GABPB2: variants seen among roughly 807,000 people sequenced by gnomAD.
GABPB2 encodes the protein GA-binding protein subunit beta-2.
A neutral mutation model predicts 39.1 loss-of-function variants in GABPB2; 23 were observed. That is an observed-to-expected ratio of 0.59 (90% CI 0.42 to 0.83). The LOEUF (loss-of-function observed/expected upper bound fraction) is 0.83. Among genes scored for constraint, GABPB2 ranks in the 40% least tolerant of loss-of-function variants. GABPB2 has a pLI of 0.00. For synonymous variants in GABPB2, 184 were observed against 199.3 expected, an observed-to-expected ratio of 0.92 and a Z score of 0.65; for missense variants, 467 against 541.1, an observed-to-expected ratio of 0.86 and a Z score of 1.36.
At chr1:151,106,668 A>G (rs1237380185) in intron 6 of GABPB2, among the ~76,000 whole-genome samples, 1 of 152,206 alleles carries the variant, frequency 6.6e-6, no homozygotes, top group Non-Finnish European at 1.5e-5. Flanking sequence ...CTGTTGGAGA[A>G]TCACACCCTG....
intron 1 of GABPB2, among the ~76,000 whole-genome samples, chr1:151,078,072 C>G (rs779993376): frequency 2.7e-5 from 4 of 149,662 alleles, no homozygotes; most frequent in Non-Finnish European, 4.4e-5. Context: ...GGAGTTCAAG[C>G]CTCGCCTGAC....
intron 1 of GABPB2, among the ~76,000 whole-genome samples, chr1:151,071,683 G>T (rs1676736652): frequency 6.6e-6 from 1 of 152,148 alleles, no homozygotes; most frequent in Non-Finnish European, 1.5e-5. Context: ...TGTTAGCCAG[G>T]CTGGTCTCGA....
chr1:151,075,555 C>T (rs1295967496), intron 1 of GABPB2, among the ~76,000 whole-genome samples: 1 of 103,262 alleles, frequency 9.7e-6, no homozygotes, highest in Non-Finnish European at 1.8e-5. Context: ...CAGAGCGAGA[C>T]TTTGTCTCAA....
At chr1:151,077,603 G>A (rs776163583) in intron 1 of GABPB2, among the ~76,000 whole-genome samples, 1 of 151,346 alleles carries the variant, frequency 6.6e-6, no homozygotes, top group South Asian at 2.1e-4. Flanking sequence ...GATCCGCCGC[G>A]CCCGGCCACT....
intron 5 of GABPB2, among the ~76,000 whole-genome samples, chr1:151,098,578 G>C (rs1447278021): frequency 2.0e-5 from 3 of 151,248 alleles, no homozygotes; most frequent in Admixed American, 6.6e-5. Context: ...ATGAAAATAT[G>C]AAGGTGCCTC....
chr1:151,092,840 A>G (rs150236862), intron 3 of GABPB2, among the ~76,000 whole-genome samples: 142 of 152,282 alleles, frequency 9.3e-4, no homozygotes, highest in African/African-American at 3.1e-3. Context: ...AAGGCTAAAC[A>G]GACTTACTGA....
rs587754459 is a variant in GABPB2 at position 151,100,143 on chromosome 1, C to CT, written c.622+2160dup. Among the ~76,000 whole-genome samples the CT allele has an allele frequency of 5.5e-3, 760 of 138,816 alleles. 4 individuals carry two copies. Among genetic ancestry groups the CT allele is most frequent in the South Asian group, 0.021 (90 of 4,390 alleles). 91.1% of individuals were successfully genotyped at this position (138,816 alleles called of 152,430 possible). ...GGTTCAGTCACACTGATTAAAACAA[C>CT]TTTTTTTTTTTTTTTTTTTGAGACG... On this transcript the variant is annotated intron_variant, in intron 5 of 8. Coordinates refer to ENST00000368918, the MANE Select transcript of GABPB2 (RefSeq NM_144618.3).
intron 1 of GABPB2, among the ~76,000 whole-genome samples, chr1:151,077,174 T>G (rs1677237950): frequency 6.6e-6 from 1 of 152,060 alleles, no homozygotes; most frequent in South Asian, 2.1e-4. Context: ...GAATCTCACA[T>G]AAGACTTACA....
At chr1:151,109,155 C>T (rs762171477) in intron 7 of GABPB2, among the ~76,000 whole-genome samples, 4 of 151,900 alleles carry the variant, frequency 2.6e-5, no homozygotes, top group Non-Finnish European at 4.4e-5. Flanking sequence ...AATCATGCCA[C>T]TGCACTCCAG....
chr1:151,111,423 TTTTTTTTC>T (rs587768018), intron 7 of GABPB2, among the ~76,000 whole-genome samples: 171 of 146,452 alleles, frequency 1.2e-3, no homozygotes, highest in African/African-American at 4.0e-3. Flanking sequence ...TTTTTTTTTC[TTTTTTTTC>T]TTTTTTTTTG....
chr1:151,122,463 T>G lies in GABPB2; in HGVS notation c.*4207T>G, dbSNP rs1681217868. On this transcript the variant is annotated 3_prime_UTR_variant, in exon 9 of 9. Transcript: ENST00000368918. ...TGTTATGTGTGGGATTTCGGAGCCTTACTTTAACGATAGAGGAACCAAGTA... is the reference window on the plus strand; with the variant it reads ...TGTTATGTGTGGGATTTCGGAGCCTGACTTTAACGATAGAGGAACCAAGTA... 6.6e-6 allele frequency: 1 copy of G among 151,564 alleles called. No individual in the cohort carries two copies. Among genetic ancestry groups the G allele is most frequent in the Non-Finnish European group, 1.5e-5 (1 of 67,580 alleles). The allele number at this position is 151,564 out of a possible 1,614,324, so 9.4% of individuals were successfully genotyped here. A position where few individuals can be genotyped will look rare whatever the true frequency, so the allele number is the denominator to read the frequency against.
intron 1 of GABPB2, among the ~76,000 whole-genome samples, chr1:151,071,155 G>C (rs937867270): frequency 6.6e-6 from 1 of 152,114 alleles, no homozygotes. Context: ...TGAAGAAGGG[G>C]GTGGGTGTAA....
At chr1:151,086,777 C>G (rs1042950924) in intron 1 of GABPB2, among the ~76,000 whole-genome samples, 3 of 152,060 alleles carry the variant, frequency 2.0e-5, no homozygotes, top group Non-Finnish European at 4.4e-5. Context: ...AAGTTTTCCT[C>G]CCACTTTAGC....
chr1:151,071,141 G>A (rs1378607213), intron 1 of GABPB2, among the ~76,000 whole-genome samples: 1 of 152,066 alleles, frequency 6.6e-6, no homozygotes, highest in African/African-American at 2.4e-5. Flanking sequence ...GGACTGGAAG[G>A]AGGTGAAGAA....
chr1:151,090,353 C>T, intron 2 of GABPB2, 53 bp from the exon 3 acceptor site: 21 of 1,505,048 alleles, frequency 1.4e-5, no homozygotes, highest in African/African-American at 2.7e-5. Context: ...TCTCCAGTAA[C>T]GATCTAGGAC....
At chr1:151,114,846 C>G (rs1680736230) in intron 7 of GABPB2, among the ~76,000 whole-genome samples, 1 of 151,808 alleles carries the variant, frequency 6.6e-6, no homozygotes, top group African/African-American at 2.4e-5. Flanking sequence ...CCCATCTCTA[C>G]TAAAAGTACA....
chr1:151,088,790 C>T (rs748543303), intron 2 of GABPB2, among the ~76,000 whole-genome samples: 4 of 152,168 alleles, frequency 2.6e-5, no homozygotes, highest in Non-Finnish European at 4.4e-5. Context: ...CACCTGAGGT[C>T]AGGAGTTCGA....
chr1:151,114,351 TAAATAAA>T (rs1307416646), intron 7 of GABPB2, among the ~76,000 whole-genome samples: 1 of 149,032 alleles, frequency 6.7e-6, no homozygotes, highest in Non-Finnish European at 1.5e-5. Context: ...TCATAATAAA[TAAATAAA>T]TAAATAAATA....
chr1:151,092,854 T>C (rs1469462857), intron 3 of GABPB2, among the ~76,000 whole-genome samples: 2 of 152,174 alleles, frequency 1.3e-5, no homozygotes, highest in East Asian at 3.8e-4. Flanking sequence ...TTACTGATTT[T>C]TCTTCTTTCC....
Sources: gnomAD v4.1 joint callset for allele counts (sites outside exome capture counted in the v4.1 genomes callset) on GRCh38, gnomAD v4.1.1 for gene constraint, MANE v1.5 for transcripts, NCBI Gene and HGNC (gene_info 2026-07-23, HGNC 2026-07-21) for gene names.